Variants in ARHGAP6 observed in about 807,000 individuals in gnomAD.
The protein encoded by ARHGAP6 is Rho GTPase activating protein 6.
In ARHGAP6, 16 loss-of-function variants were observed where a neutral mutation model predicts 55.7. That is an observed-to-expected ratio of 0.29 (90% CI 0.19 to 0.44). ARHGAP6 has a LOEUF of 0.44. ARHGAP6 is among the 20% of genes least tolerant of loss of function. The pLI, the probability that ARHGAP6 is intolerant of heterozygous loss-of-function variation, is 1.00. For synonymous variants in ARHGAP6, 382 were observed against 360.9 expected, an observed-to-expected ratio of 1.06 and a Z score of -0.66; for missense variants, 698 against 808.9, an observed-to-expected ratio of 0.86 and a Z score of 1.66.
Position 11,522,859 on chromosome X carries a change from C to G in ARHGAP6, c.588+141382G>C, listed in dbSNP as rs368351560. Among the ~76,000 whole-genome samples, 236 of 111,701 alleles carry G rather than the reference C, an allele frequency of 2.1e-3. 1 individual carries two copies. The highest frequency in any genetic ancestry group is 6.2e-3 in the African/African-American group (192 of 30,791). ...GAAACTATTCCAATCAATAGAAAAACAGGGAATCCTCCCTAACTCATTTTA... is the reference window on the plus strand; with the variant it reads ...GAAACTATTCCAATCAATAGAAAAAGAGGGAATCCTCCCTAACTCATTTTA... On this transcript the variant is annotated intron_variant, in intron 1 of 12. Coordinates refer to ENST00000337414, the MANE Select transcript of ARHGAP6 (RefSeq NM_013427.3).
At chrX:11,173,111 A>C (rs1015135324) in intron 8 of ARHGAP6, among the ~76,000 whole-genome samples, 2 of 112,294 alleles carry the variant, frequency 1.8e-5, no homozygotes, top group African/African-American at 3.2e-5. Flanking sequence ...TATAGAAAGA[A>C]GCGAAGCTGG....
At chrX:11,182,704 C>T (rs1371263302) in intron 5 of ARHGAP6, among the ~76,000 whole-genome samples, 8 of 95,586 alleles carry the variant, frequency 8.4e-5, no homozygotes, top group African/African-American at 1.6e-4. Flanking sequence ...GACGTGATTA[C>T]GGCTCACTGC....
intron 1 of ARHGAP6, among the ~76,000 whole-genome samples, chrX:11,408,925 A>G (rs891853517): frequency 8.2e-5 from 9 of 109,802 alleles, no homozygotes; most frequent in African/African-American, 2.3e-4. Flanking sequence ...ACACACACAC[A>G]CGCACACACA....
At chrX:11,221,248 C>T (rs1328969225) in intron 2 of ARHGAP6, 1 of 116,905 alleles carries the variant, frequency 8.6e-6, no homozygotes, top group African/African-American at 3.3e-5. Context: ...TTCTGCAGTT[C>T]TTTTAATTGT....
At chrX:11,408,226 G>A (rs1440295953) in intron 1 of ARHGAP6, among the ~76,000 whole-genome samples, 2 of 111,135 alleles carry the variant, frequency 1.8e-5, no homozygotes, top group African/African-American at 3.3e-5. Context: ...TGAAGTAAAC[G>A]TGTGTAAGGA....
chrX:11,380,447 A>G (rs1196440150), intron 1 of ARHGAP6, among the ~76,000 whole-genome samples: 5 of 111,892 alleles, frequency 4.5e-5, no homozygotes, highest in Non-Finnish European at 9.4e-5. Flanking sequence ...CGACAACGGA[A>G]CACTGAAAGT....
rs140683422 is a variant in ARHGAP6, at chrX:11,351,889, G to C, written c.589-97182C>G. 5.2e-4 allele frequency among the ~76,000 whole-genome samples: 59 copies of C among 112,405 alleles called. No homozygotes were observed. In the East Asian group the frequency reaches 0.014, roughly 26 times the overall value. On this transcript the variant is annotated intron_variant, in intron 1 of 12. Transcript: ENST00000337414. The stretch of plus-strand genomic sequence containing the variant: ...CAGGGTTGTAGACCACAAGTTGTGA[G>C]AGCCTTAGGCATTGACCAATCACTT...
rs538446157 is a variant in ARHGAP6, at chrX:11,183,324, C to G, written c.1274-1206G>C. On this transcript the variant is annotated intron_variant, in intron 5 of 12. Transcript: ENST00000337414. ...TGCACAGGTCCCCAAAATATACATG[C>G]TTATTTTTCTACTATAAATGACCCT... 3.7e-4 allele frequency among the ~76,000 whole-genome samples: 41 copies of G among 111,705 alleles called. No individual in the cohort carries two copies. In the Middle Eastern group the frequency reaches 0.014, roughly 38 times the overall value.
chrX:11,607,000 C>T (rs979571791), intron 1 of ARHGAP6, among the ~76,000 whole-genome samples: 13 of 111,772 alleles, frequency 1.2e-4, no homozygotes, highest in African/African-American at 4.2e-4. Context: ...ATCCTTCTGC[C>T]TCAGTCAGTA....
rs990507704 is a variant in ARHGAP6 at position 11,138,087 on chromosome X, C to A, written c.*776G>T. The A allele has an allele frequency of 8.9e-6, 1 of 111,779 alleles. No homozygotes were observed. Among genetic ancestry groups the A allele is most frequent in the East Asian group, 2.8e-4 (1 of 3,622 alleles). The allele number at this position is 111,779 out of a possible 1,213,427, so 9.2% of individuals were successfully genotyped here. On this transcript the variant is annotated 3_prime_UTR_variant, in exon 13 of 13. Coordinates refer to ENST00000337414, the MANE Select transcript of ARHGAP6 (RefSeq NM_013427.3). The stretch of plus-strand genomic sequence containing the variant: ...CTATATAAAACTGAATTTGATGTAA[C>A]GTGGGACGGACAACTTCTTAATTTC...
chrX:11,263,588 A>G (rs2047588160), intron 1 of ARHGAP6, among the ~76,000 whole-genome samples: 1 of 111,583 alleles, frequency 9.0e-6, no homozygotes, highest in Non-Finnish European at 1.9e-5. Flanking sequence ...GGAGTGCTGC[A>G]TGAGCTACCA....
chrX:11,319,460 T>A (rs2048402941), intron 1 of ARHGAP6, among the ~76,000 whole-genome samples: 1 of 111,939 alleles, frequency 8.9e-6, no homozygotes, highest in South Asian at 3.7e-4. Context: ...TTCAGGGTGA[T>A]GCAGCTGCTG....
At chrX:11,336,902 C>T (rs1158711206) in intron 1 of ARHGAP6, among the ~76,000 whole-genome samples, 2 of 111,554 alleles carry the variant, frequency 1.8e-5, no homozygotes, top group African/African-American at 3.3e-5. Context: ...TTCCTATATA[C>T]GTGTCCTAGG....
chrX:11,440,246 G>A (rs2050026839), intron 1 of ARHGAP6, among the ~76,000 whole-genome samples: 1 of 112,408 alleles, frequency 8.9e-6, no homozygotes, highest in Non-Finnish European at 1.9e-5. Flanking sequence ...TCAACAGGCT[G>A]TAACTTCTAT....
chrX:11,254,707 C>T lies in ARHGAP6; in HGVS notation c.589G>A (p.Gly197Ser). 2 of 1,124,906 alleles carry T rather than the reference C, an allele frequency of 1.8e-6. No individual in the cohort carries two copies. Among genetic ancestry groups the T allele is most frequent in the Non-Finnish European group, 2.3e-6 (2 of 856,953 alleles). The allele number at this position is 1,124,906 out of a possible 1,213,427, so 92.7% of individuals were successfully genotyped here. ...GHPYVVWKSE[G>S]DFTWNSMSGR... is the part of the protein sequence containing the mutation. ...GACATGCTGTTCCAGGTGAAATCAC[C>T]CTGTAGGCCAAAAAAAAAAAAAAAA... The change falls in exon 2 of 13, where the codon GGT (glycine) becomes AGT (serine). Residue 197 changes from glycine (G) to serine (S), a missense_variant and splice_region_variant. Physicochemically the swap from Gly to Ser is moderately conservative, Grantham distance 56 (BLOSUM62 0). Coordinates refer to ENST00000337414, the MANE Select transcript of ARHGAP6 (RefSeq NM_013427.3).
intron 2 of ARHGAP6, among the ~76,000 whole-genome samples, chrX:11,201,804 T>C (rs2046625767): frequency 9.0e-6 from 1 of 111,598 alleles, no homozygotes; most frequent in African/African-American, 3.3e-5. Context: ...TGGAGGTAAC[T>C]GCCCCCATAA....
At chrX:11,541,551 G>T (rs1291433013) in intron 1 of ARHGAP6, among the ~76,000 whole-genome samples, 1 of 111,983 alleles carries the variant, frequency 8.9e-6, no homozygotes, top group African/African-American at 3.2e-5. Flanking sequence ...GATATCAAAT[G>T]ATCAGAAATA....
intron 1 of ARHGAP6, among the ~76,000 whole-genome samples, chrX:11,550,452 TA>T (rs1180523647): frequency 1.8e-5 from 2 of 112,326 alleles, no homozygotes; most frequent in African/African-American, 6.5e-5. Flanking sequence ...TTGGAACTTT[TA>T]AAAATCCTGA....
At chrX:11,613,003 T>C (rs1320384475) in intron 1 of ARHGAP6, among the ~76,000 whole-genome samples, 1 of 112,898 alleles carries the variant, frequency 8.9e-6, no homozygotes, top group African/African-American at 3.2e-5. Flanking sequence ...AATTGAATGG[T>C]TTATTCTGGC....
Sources: allele counts gnomAD v4.1 joint callset (sites outside exome capture counted in the v4.1 genomes callset), GRCh38; gene constraint gnomAD v4.1.1; transcripts MANE v1.5; gene names NCBI Gene and HGNC (gene_info 2026-07-23, HGNC 2026-07-21).